TMC7: variants seen among roughly 807,000 people sequenced by gnomAD.
TMC7 encodes transmembrane channel like 7.
A neutral mutation model predicts 82.9 loss-of-function variants in TMC7; 54 were observed. The ratio of observed to expected loss-of-function variants is 0.65; its 90% CI spans 0.52 to 0.82. The LOEUF is 0.82. TMC7 is among the 40% of genes least tolerant of loss of function. TMC7 has a pLI of 0.00. For synonymous variants in TMC7, 350 were observed against 337.9 expected, an observed-to-expected ratio of 1.04 and a Z score of -0.39; for missense variants, 820 against 901.2, an observed-to-expected ratio of 0.91 and a Z score of 1.15.
intron 1 of TMC7, among the ~76,000 whole-genome samples, chr16:19,005,517 C>T (rs2142160090): frequency 6.6e-6 from 1 of 152,308 alleles, no homozygotes; most frequent in East Asian, 1.9e-4. Flanking sequence ...GTATTAGATC[C>T]TCCATTCCCG....
At chr16:19,056,432 A>G in intron 13 of TMC7, 110 bp from the exon 14 acceptor site, 1 of 1,299,520 alleles carries the variant, frequency 7.7e-7, no homozygotes, top group Non-Finnish European at 1.1e-6. Context: ...CCAGGAGGTT[A>G]GGTGGCTCCC....
chr16:19,042,635 G>A (rs1311671242), intron 9 of TMC7, among the ~76,000 whole-genome samples: 2 of 151,638 alleles, frequency 1.3e-5, no homozygotes, highest in African/African-American at 4.8e-5. Flanking sequence ...AGCCTCCCGA[G>A]TAGTTGGGAC....
chr16:19,023,953 C>G (rs1321319749), intron 5 of TMC7, among the ~76,000 whole-genome samples: 2 of 152,312 alleles, frequency 1.3e-5, no homozygotes, highest in Middle Eastern at 3.4e-3. Context: ...GATGCACAAC[C>G]TCACACTTTC....
In TMC7 at chr16:19,056,653, T is replaced by G. The variant is rs1961787070; in HGVS notation, c.1983T>G (p.Gly661=). Residue 661 remains glycine, a synonymous_variant, in exon 14 of 16, where the codon GGT becomes GGG. Transcript: ENST00000304381. ...GCTCGCTGCAGTCCTTCATCCATGG[T>G]GTCACATCCGAAGCCTTTGCAGTTC... ...FPSSLQSFIH[G]VTSEAFAVPF... is the part of the protein sequence containing the mutation. The G allele has an allele frequency of 4.3e-6, 7 of 1,613,938 alleles. No individual in the cohort carries two copies. The Admixed American group carries it at 1.0e-4, about 23-fold the overall frequency.
intron 1 of TMC7, among the ~76,000 whole-genome samples, chr16:18,987,993 A>G (rs1482950591): frequency 1.3e-5 from 2 of 152,234 alleles, no homozygotes; most frequent in African/African-American, 4.8e-5. Context: ...CTTGTGGTGG[A>G]GCTGGACACT....
intron 8 of TMC7, among the ~76,000 whole-genome samples, 155 bp downstream of exon 8, chr16:19,038,202 T>A (rs960913437): frequency 1.3e-5 from 2 of 152,156 alleles, no homozygotes; most frequent in East Asian, 1.9e-4. Flanking sequence ...TCCACTTTTT[T>A]ATTTTTTTTT....
chr16:19,023,772 C>T (rs1309542752), intron 5 of TMC7, among the ~76,000 whole-genome samples: 1 of 152,160 alleles, frequency 6.6e-6, no homozygotes, highest in Non-Finnish European at 1.5e-5. Flanking sequence ...TTGTATTGAT[C>T]TGCAACACAA....
At chr16:19,059,850 A>C in intron 15 of TMC7, 1 of 561,878 alleles carries the variant, frequency 1.8e-6, no homozygotes, top group South Asian at 2.0e-5. Context: ...GGTGGTGGGC[A>C]CCTGTAATCC....
At chr16:19,023,283 G>A in intron 5 of TMC7, 88 bp downstream of exon 5, 1 of 811,436 alleles carries the variant, frequency 1.2e-6, no homozygotes, top group Admixed American at 2.4e-5. Context: ...TTTCTGCAGT[G>A]AGAGCTAAAC....
At chr16:19,023,008 A>C (rs534350387) in intron 4 of TMC7, 105 bp from the exon 5 acceptor site, 1 of 620,474 alleles carries the variant, frequency 1.6e-6, no homozygotes, top group South Asian at 2.2e-5. Context: ...TGACAGAGCG[A>C]GACTCCATCT....
At chr16:19,020,142 T>A (rs1959896905) in intron 3 of TMC7, among the ~76,000 whole-genome samples, 1 of 152,208 alleles carries the variant, frequency 6.6e-6, no homozygotes, top group Non-Finnish European at 1.5e-5. Context: ...TCTGATAAAC[T>A]TCAGTTCTCA....
chr16:19,059,520 C>A (rs368045499), intron 15 of TMC7, 26 bp downstream of exon 15: 10 of 1,614,128 alleles, frequency 6.2e-6, no homozygotes, highest in Middle Eastern at 3.3e-4. Flanking sequence ...TCCAGAGGGT[C>A]ATGGCTGGGG....
chr16:19,027,877 A>G (rs1960308668), intron 5 of TMC7, among the ~76,000 whole-genome samples: 2 of 152,188 alleles, frequency 1.3e-5, no homozygotes, highest in Non-Finnish European at 2.9e-5. Context: ...ACACACACAC[A>G]CAAGAATGCA....
rs866712572 is a variant in TMC7 at position 19,021,849 on chromosome 16, C to A, written c.628+53C>A. The stretch of plus-strand genomic sequence containing the variant: ...AGTGTGTTTGTTTTTCACCATGTAC[C>A]TTGCTACAATGCTTCCTTTGCTAAG... On this transcript the variant is annotated intron_variant, in intron 4 of 15. Coordinates refer to ENST00000304381, the MANE Select transcript of TMC7 (RefSeq NM_024847.4). The A allele has an allele frequency of 5.1e-6, 8 of 1,575,116 alleles. No individual in the cohort carries two copies. In the Middle Eastern group the frequency reaches 7.0e-4, roughly 138 times the overall value.
intron 1 of TMC7, among the ~76,000 whole-genome samples, chr16:18,989,964 A>G (rs1185903254): frequency 6.6e-6 from 1 of 152,038 alleles, no homozygotes; most frequent in Non-Finnish European, 1.5e-5. Context: ...ACCTGGGTGC[A>G]GGCGGGCTGA....
intron 12 of TMC7, among the ~76,000 whole-genome samples, chr16:19,050,450 AT>A (rs1240248522): frequency 6.6e-6 from 1 of 150,948 alleles, no homozygotes; most frequent in African/African-American, 2.4e-5. Context: ...GAAATCTACC[AT>A]TTTCACAGTG....
rs142336765 is a variant in TMC7 at position 19,054,114 on chromosome 16, C to T, written c.1871+2298C>T. Reference sequence around the variant, plus strand: ...TTTATTTTTATCCCTACATAAAGGGCTGCAATGGAAAGTCTTATACACAGA... The same window carrying T: ...TTTATTTTTATCCCTACATAAAGGGTTGCAATGGAAAGTCTTATACACAGA... On this transcript the variant is annotated intron_variant, in intron 13 of 15. Transcript: ENST00000304381. Among the ~76,000 whole-genome samples the T allele has an allele frequency of 2.3e-3, 354 of 152,272 alleles. 2 individuals are homozygous for T. The highest frequency in any genetic ancestry group is 7.9e-3 in the African/African-American group (327 of 41,566).
chr16:19,028,870 G>A (rs1448110980), intron 5 of TMC7, among the ~76,000 whole-genome samples: 2 of 151,612 alleles, frequency 1.3e-5, no homozygotes, highest in East Asian at 1.9e-4. Flanking sequence ...TGGCCAGGCT[G>A]ATCTTGAGCT....
chr16:19,045,230 C>A (rs1395108803), intron 10 of TMC7, 111 bp from the exon 11 acceptor site: 1 of 957,542 alleles, frequency 1.0e-6, no homozygotes, highest in Non-Finnish European at 1.7e-6. Context: ...GATGCCCTCA[C>A]TGGAGCCACA....
Sources: allele counts gnomAD v4.1 joint callset (sites outside exome capture counted in the v4.1 genomes callset), GRCh38; gene constraint gnomAD v4.1.1; transcripts MANE v1.5; gene names NCBI Gene and HGNC (gene_info 2026-07-23, HGNC 2026-07-21).